Variants in MAST2 observed in about 807,000 individuals in gnomAD.
The protein encoded by MAST2 is microtubule-associated serine/threonine-protein kinase 2.
MAST2 carries 70 observed loss-of-function variants against 147.4 expected under a neutral mutation model. That is an observed-to-expected ratio of 0.47 (90% CI 0.39 to 0.58). The LOEUF (loss-of-function observed/expected upper bound fraction) is 0.58. Among genes scored for constraint, MAST2 ranks in the 20% least tolerant of loss-of-function variants. The pLI is 0.00. For synonymous variants in MAST2, 869 were observed against 896.8 expected, an observed-to-expected ratio of 0.97 and a Z score of 0.55; for missense variants, 2,080 against 2,302.3, an observed-to-expected ratio of 0.90 and a Z score of 1.98.
intron 1 of MAST2, among the ~76,000 whole-genome samples, chr1:45,811,903 G>A (rs767610560): frequency 1.3e-4 from 20 of 152,136 alleles, no homozygotes; most frequent in Non-Finnish European, 2.5e-4. Flanking sequence ...CAAAGTGCTA[G>A]GATTACAGGC....
intron 4 of MAST2, among the ~76,000 whole-genome samples, chr1:45,895,641 CT>C (rs1186134582): frequency 6.6e-6 from 1 of 152,146 alleles, no homozygotes; most frequent in African/African-American, 2.4e-5. Context: ...ACTTCCAAAA[CT>C]GTTTAACAGA....
At chr1:45,942,858 C>CT (rs35326912) in intron 4 of MAST2, among the ~76,000 whole-genome samples, 71 of 152,144 alleles carry the variant, frequency 4.7e-4, no homozygotes, top group Non-Finnish European at 9.9e-4. Context: ...TTATACCTTA[C>CT]TTTTAGGCAG....
chr1:45,864,320 C>G (rs1646073276), intron 3 of MAST2, among the ~76,000 whole-genome samples: 1 of 152,160 alleles, frequency 6.6e-6, no homozygotes, highest in African/African-American at 2.4e-5. Context: ...GCTCAGAACT[C>G]ACAACACGTG....
At chr1:45,948,188 C>T (rs1396179949) in intron 4 of MAST2, among the ~76,000 whole-genome samples, 2 of 152,172 alleles carry the variant, frequency 1.3e-5, no homozygotes, top group Admixed American at 6.5e-5. Flanking sequence ...CCTAGGAATA[C>T]AGCTAACCAG....
chr1:45,991,236 G>T (rs1644845454), intron 5 of MAST2, among the ~76,000 whole-genome samples: 1 of 152,060 alleles, frequency 6.6e-6, no homozygotes, highest in African/African-American at 2.4e-5. Context: ...TCTCTGCTTT[G>T]TTCTGCTGAT....
intron 5 of MAST2, among the ~76,000 whole-genome samples, chr1:45,980,811 C>G (rs570656643): frequency 6.6e-6 from 1 of 152,028 alleles, no homozygotes; most frequent in Non-Finnish European, 1.5e-5. Flanking sequence ...GCTAGAATTA[C>G]AAGTGTGAGC....
intron 25 of MAST2, 28 bp from the exon 26 acceptor site, chr1:46,032,568 T>A (rs772857247): frequency 6.2e-7 from 1 of 1,612,184 alleles, no homozygotes; most frequent in Non-Finnish European, 8.5e-7. Flanking sequence ...CAGGCTCCAG[T>A]CTGAGTACTG....
rs781736821 is a variant in MAST2 at position 46,019,714 on chromosome 1, A to C, written c.1290+17A>C. 6.2e-7 allele frequency: 1 copy of C among 1,609,128 alleles called. No individual in the cohort carries two copies. Among genetic ancestry groups the C allele is most frequent in the African/African-American group, 1.3e-5 (1 of 74,826 alleles). On this transcript the variant is annotated intron_variant, in intron 11 of 28. Coordinates refer to ENST00000361297, the MANE Select transcript of MAST2 (RefSeq NM_015112.3). ...GAATGCCTGGTGAGTGGACTCTAGG[A>C]AAGTCAGGTGGGCAGATTTAGAGGA...
At chr1:45,911,713 AAT>A (rs1322914449) in intron 4 of MAST2, among the ~76,000 whole-genome samples, 4 of 151,470 alleles carry the variant, frequency 2.6e-5, no homozygotes, top group African/African-American at 9.7e-5. Flanking sequence ...TAAAAATAAT[AAT>A]AATGGAATAA....
intron 4 of MAST2, among the ~76,000 whole-genome samples, chr1:45,930,807 A>G (rs986629580): frequency 1.3e-5 from 2 of 152,224 alleles, no homozygotes; most frequent in Non-Finnish European, 2.9e-5. Context: ...ACAAGCCACA[A>G]GCTAATAATG....
intron 1 of MAST2, among the ~76,000 whole-genome samples, chr1:45,805,461 T>C (rs1030248445): frequency 1.3e-5 from 2 of 152,190 alleles, no homozygotes; most frequent in African/African-American, 4.8e-5. Flanking sequence ...TTCTAGCTGC[T>C]GAGCATTGTC....
chr1:45,872,079 C>T (rs894407340), intron 3 of MAST2, among the ~76,000 whole-genome samples: 3 of 152,194 alleles, frequency 2.0e-5, no homozygotes, highest in African/African-American at 7.2e-5. Context: ...AAACCCAATT[C>T]TCTATCCACT....
chr1:45,935,019 T>C (rs796626934), intron 4 of MAST2, among the ~76,000 whole-genome samples: 2 of 152,216 alleles, frequency 1.3e-5, no homozygotes, highest in South Asian at 4.1e-4. Flanking sequence ...ATTCCACCAA[T>C]AATGTACAAG....
Position 45,816,060 on chromosome 1 carries a change from G to A in MAST2, c.178-8373G>A, listed in dbSNP as rs143730245. Among the ~76,000 whole-genome samples, 1,149 of 152,268 alleles carry A rather than the reference G, an allele frequency of 7.5e-3. 15 individuals carry two copies. Among genetic ancestry groups the A allele is most frequent in the African/African-American group, 0.026 (1,097 of 41,554 alleles). Reference sequence around the variant, plus strand: ...TCCTCTTTTTCCTTGTAGACACACAGAGTTTTGAGTTATAACAATTTTGAA... The same window carrying A: ...TCCTCTTTTTCCTTGTAGACACACAAAGTTTTGAGTTATAACAATTTTGAA... On this transcript the variant is annotated intron_variant, in intron 1 of 28. Coordinates refer to ENST00000361297, the MANE Select transcript of MAST2 (RefSeq NM_015112.3).
chr1:45,826,283 G>A (rs759381526), intron 2 of MAST2, among the ~76,000 whole-genome samples: 8 of 152,054 alleles, frequency 5.3e-5, no homozygotes, highest in East Asian at 3.9e-4. Flanking sequence ...ATTGCAGCTC[G>A]TGTCTTACTT....
chr1:46,017,309 G>C (rs1198225129), intron 10 of MAST2, among the ~76,000 whole-genome samples: 5 of 152,166 alleles, frequency 3.3e-5, no homozygotes, highest in Non-Finnish European at 5.9e-5. Context: ...GGCAACAAAA[G>C]CCAAAATTGA....
chr1:45,893,599 TAA>T (rs35793282), intron 4 of MAST2, among the ~76,000 whole-genome samples: 211 of 143,532 alleles, frequency 1.5e-3, no homozygotes, highest in Middle Eastern at 0.011. Context: ...TAGGATATTT[TAA>T]AAAAAAAAAA....
intron 4 of MAST2, among the ~76,000 whole-genome samples, chr1:45,892,548 C>G (rs1647998298): frequency 6.6e-6 from 1 of 152,162 alleles, no homozygotes; most frequent in Non-Finnish European, 1.5e-5. Flanking sequence ...CTGACTCATT[C>G]CACTGGAATG....
chr1:45,815,270 A>C (rs1339039434), intron 1 of MAST2, among the ~76,000 whole-genome samples: 3 of 151,788 alleles, frequency 2.0e-5, no homozygotes, highest in Admixed American at 6.6e-5. Flanking sequence ...CCCAGGTTCA[A>C]GTGATTCTCC....
Sources: gnomAD v4.1 joint callset for allele counts (sites outside exome capture counted in the v4.1 genomes callset) on GRCh38, gnomAD v4.1.1 for gene constraint, MANE v1.5 for transcripts, NCBI Gene and HGNC (gene_info 2026-07-23, HGNC 2026-07-21) for gene names.